RNF220: variants seen among roughly 807,000 people sequenced by gnomAD.
The protein encoded by RNF220 is E3 ubiquitin-protein ligase RNF220.
Under a neutral mutation model 67.1 loss-of-function variants are expected in RNF220, and 7 were observed. The observed-to-expected ratio is 0.10, with a 90% confidence interval of 0.06 to 0.20. The LOEUF (loss-of-function observed/expected upper bound fraction) is 0.20. Ranked by LOEUF, RNF220 falls within the 10% of genes least tolerant of loss-of-function variation. RNF220 has a pLI of 1.00. For synonymous variants in RNF220, 270 were observed against 283.2 expected (o/e 0.95, Z 0.47); for missense variants, 565 against 740.3 (o/e 0.76, Z 2.75).
chr1:44,602,009 G>A (rs1666956474), intron 2 of RNF220, among the ~76,000 whole-genome samples: 1 of 152,104 alleles, frequency 6.6e-6, no homozygotes, highest in Non-Finnish European at 1.5e-5. Context: ...ATGAGTGCGT[G>A]GTGGCTTGGG....
chr1:44,538,672 T>G (rs906068507), intron 2 of RNF220, among the ~76,000 whole-genome samples: 1 of 152,276 alleles, frequency 6.6e-6, no homozygotes, highest in African/African-American at 2.4e-5. Context: ...TCCCAGCTCT[T>G]TGGGAGGCCG....
At chr1:44,501,957 G>A (rs755021361) in intron 2 of RNF220, among the ~76,000 whole-genome samples, 1 of 152,106 alleles carries the variant, frequency 6.6e-6, no homozygotes, top group Non-Finnish European at 1.5e-5. Flanking sequence ...AGAAGGAGGA[G>A]GAAGGGAGCT....
intron 5 of RNF220, among the ~76,000 whole-genome samples, chr1:44,628,673 G>A (rs1373032844): frequency 1.3e-5 from 2 of 152,326 alleles, no homozygotes; most frequent in South Asian, 2.1e-4. Context: ...AATCCTATGG[G>A]CTATGCTCAC....
chr1:44,472,996 C>T (rs1468255904), intron 2 of RNF220, among the ~76,000 whole-genome samples: 4 of 152,134 alleles, frequency 2.6e-5, no homozygotes, highest in African/African-American at 7.2e-5. Flanking sequence ...TGTCTCTAGA[C>T]CATACTGGAA....
intron 2 of RNF220, among the ~76,000 whole-genome samples, chr1:44,611,552 A>G (rs1026165452): frequency 1.3e-5 from 2 of 152,080 alleles, no homozygotes; most frequent in Non-Finnish European, 2.9e-5. Flanking sequence ...CCCTGCCTCA[A>G]TTATCTGTTC....
At chr1:44,488,967 G>A (rs1336619868) in intron 2 of RNF220, among the ~76,000 whole-genome samples, 2 of 152,138 alleles carry the variant, frequency 1.3e-5, no homozygotes, top group Non-Finnish European at 2.9e-5. Context: ...CTGGCCTCAA[G>A]TGATCTGCCA....
intron 1 of RNF220, among the ~76,000 whole-genome samples, chr1:44,408,163 T>G (rs1195450729): frequency 1.3e-5 from 2 of 152,208 alleles, no homozygotes; most frequent in East Asian, 3.9e-4. Flanking sequence ...TTCCCCCGTT[T>G]TCCCTAAAAG....
At chr1:44,528,304 C>CTT (rs543649162) in intron 2 of RNF220, among the ~76,000 whole-genome samples, 8 of 145,790 alleles carry the variant, frequency 5.5e-5, no homozygotes, top group Non-Finnish European at 9.1e-5. Flanking sequence ...AAATTGGCAA[C>CTT]TTTTTTTTTT....
chr1:44,506,107 G>A (rs1466213605), intron 2 of RNF220, among the ~76,000 whole-genome samples: 1 of 152,238 alleles, frequency 6.6e-6, no homozygotes, highest in African/African-American at 2.4e-5. Flanking sequence ...TTCTTTTCAT[G>A]GACCCGGTGC....
chr1:44,622,991 A>G lies in RNF220; in HGVS notation c.804+204A>G, dbSNP rs184324886. On this transcript the variant is annotated intron_variant, in intron 4 of 14. Transcript: ENST00000361799. This position sits in a 1 kb window ranked among gnomAD's most constrained non-coding sequence, Gnocchi z 4.3. ...GTGTGTAAGTGTGTGTGGTCTGTGC[A>G]TGAGTGAGAGTATGCTCATCTGACT... Among the ~76,000 whole-genome samples the G allele has an allele frequency of 5.9e-5, 9 of 152,260 alleles. No homozygotes were observed. The highest frequency in any genetic ancestry group is 3.3e-4 in the Admixed American group (5 of 15,296).
chr1:44,650,197 C>T lies in RNF220; in HGVS notation c.1629+240C>T, dbSNP rs1216113313. On this transcript the variant is annotated intron_variant, in intron 14 of 14. Coordinates refer to ENST00000361799, the MANE Select transcript of RNF220 (RefSeq NM_018150.4). The surrounding 1 kb of genome is among the most constrained non-coding windows in gnomAD (Gnocchi z 4.3). Reference sequence around the variant, plus strand: ...TCACTGCATTCTCCCTTCCCCGCCCCGGTCCCCGAAGGCCCACTGCATCAC... The same window carrying T: ...TCACTGCATTCTCCCTTCCCCGCCCTGGTCCCCGAAGGCCCACTGCATCAC... 5 of 581,304 alleles carry T rather than the reference C, an allele frequency of 8.6e-6. No homozygotes were observed. Among genetic ancestry groups the T allele is most frequent in the African/African-American group, 1.9e-5 (1 of 53,360 alleles). The allele number at this position is 581,304 out of a possible 1,614,324, so 36.0% of individuals were successfully genotyped here.
intron 2 of RNF220, among the ~76,000 whole-genome samples, chr1:44,426,447 C>T (rs185504121): frequency 4.5e-4 from 69 of 152,300 alleles, no homozygotes; most frequent in African/African-American, 1.6e-3. Flanking sequence ...CTTTACTAGG[C>T]CAGGTGTGGT....
chr1:44,449,025 A>G (rs1164783805), intron 2 of RNF220, among the ~76,000 whole-genome samples: 1 of 152,298 alleles, frequency 6.6e-6, no homozygotes, highest in South Asian at 2.1e-4. Context: ...CCACACCTCA[A>G]TGAATCTTCC....
At chr1:44,434,991 C>T (rs1033884850) in intron 2 of RNF220, among the ~76,000 whole-genome samples, 2 of 149,464 alleles carry the variant, frequency 1.3e-5, no homozygotes, top group African/African-American at 2.5e-5. Context: ...TGCACCATTG[C>T]ACACTAGCTT....
At chr1:44,429,641 C>T (rs1018425314) in intron 2 of RNF220, among the ~76,000 whole-genome samples, 3 of 152,162 alleles carry the variant, frequency 2.0e-5, no homozygotes, top group African/African-American at 7.2e-5. Context: ...GGAGGGAAAA[C>T]TTGAAGATGG....
chr1:44,600,494 C>T lies in RNF220; in HGVS notation c.626-13671C>T, dbSNP rs1483839784. On this transcript the variant is annotated intron_variant, in intron 2 of 14. Coordinates refer to ENST00000361799, the MANE Select transcript of RNF220 (RefSeq NM_018150.4). This position sits in a 1 kb window ranked among gnomAD's most constrained non-coding sequence, Gnocchi z 4.0. ...GGGCAAACTAAGAACTTCTCTACGC[C>T]TCTGTTTCCTTACTTATAAAATAGG... 6.6e-6 allele frequency among the ~76,000 whole-genome samples: 1 copy of T among 152,176 alleles called. No homozygotes were observed. Among genetic ancestry groups the T allele is most frequent in the Non-Finnish European group, 1.5e-5 (1 of 68,038 alleles).
In RNF220 at chr1:44,540,844, A is replaced by G. The variant is rs145966388; in HGVS notation, c.626-73321A>G. Reference sequence around the variant, plus strand: ...ACAAGAAGGGACCAAGAAAGACCAAACTTTCTGAGAGCACGAGTCAGGTCT... The same window carrying G: ...ACAAGAAGGGACCAAGAAAGACCAAGCTTTCTGAGAGCACGAGTCAGGTCT... On this transcript the variant is annotated intron_variant, in intron 2 of 14. Transcript: ENST00000361799. Among the ~76,000 whole-genome samples the G allele has an allele frequency of 5.1e-3, 780 of 152,174 alleles. 10 individuals are homozygous for G. The highest frequency in any genetic ancestry group is 0.018 in the African/African-American group (744 of 41,514).
At chr1:44,478,005 G>A (rs768695095) in intron 2 of RNF220, among the ~76,000 whole-genome samples, 1 of 152,056 alleles carries the variant, frequency 6.6e-6, no homozygotes, top group Non-Finnish European at 1.5e-5. Context: ...TTGAGACAGG[G>A]TCTCGCTCTG....
At chr1:44,574,998 A>C (rs1477424956) in intron 2 of RNF220, among the ~76,000 whole-genome samples, 1 of 152,154 alleles carries the variant, frequency 6.6e-6, no homozygotes, top group Non-Finnish European at 1.5e-5. Flanking sequence ...AGTATTTGTC[A>C]TTTCTACGTA....
Sources: allele counts gnomAD v4.1 joint callset (sites outside exome capture counted in the v4.1 genomes callset), GRCh38; gene constraint gnomAD v4.1.1; non-coding constraint Gnocchi (gnomAD v3.1); transcripts MANE v1.5; gene names NCBI Gene and HGNC (gene_info 2026-07-23, HGNC 2026-07-21).